PLXNA4: variants seen among roughly 807,000 people sequenced by gnomAD.
PLXNA4 encodes plexin-A4.
PLXNA4 carries 44 observed loss-of-function variants against 191.8 expected under a neutral mutation model. The observed-to-expected ratio is 0.23, with a 90% CI of 0.18 to 0.29. PLXNA4 has a LOEUF of 0.29. Ranked by LOEUF, PLXNA4 falls within the 10% of genes least tolerant of loss-of-function variation. PLXNA4 has a pLI of 1.00. For synonymous variants in PLXNA4, 1,082 were observed against 1,009.5 expected (o/e 1.07, Z -1.36); for missense variants, 1,800 against 2,488.8 (o/e 0.72, Z 5.89).
chr7:132,253,220 TTTTTC>T (rs1799314773), intron 4 of PLXNA4, among the ~76,000 whole-genome samples: 1 of 135,394 alleles, frequency 7.4e-6, no homozygotes, highest in Non-Finnish European at 1.6e-5. Context: ...ACAGCTTGAA[TTTTTC>T]TTTTTTCTTT....
At position 132,160,272 on chromosome 7, in the gene PLXNA4, G is replaced by A. The variant is rs557846273; in HGVS notation, c.4501-640C>T. 2.4e-3 allele frequency among the ~76,000 whole-genome samples: 360 copies of A among 152,296 alleles called. 2 individuals carry two copies. The highest frequency in any genetic ancestry group is 4.4e-3 in the Non-Finnish European group (300 of 68,020). ...AATAAAAAGATGCCCTTTAAAGATTGCAGGTTCAGGACACCTGAGATTCTT... is the reference window on the plus strand; with the variant it reads ...AATAAAAAGATGCCCTTTAAAGATTACAGGTTCAGGACACCTGAGATTCTT... On this transcript the variant is annotated intron_variant, in intron 24 of 31. Transcript: ENST00000321063.
chr7:132,334,340 C>T (rs1226208121), intron 3 of PLXNA4, among the ~76,000 whole-genome samples: 1 of 147,480 alleles, frequency 6.8e-6, no homozygotes, highest in Non-Finnish European at 1.5e-5. Context: ...TCACTGCAGC[C>T]TCAACCTCCC....
intron 5 of PLXNA4, among the ~76,000 whole-genome samples, chr7:132,232,922 G>A (rs1184807116): frequency 6.6e-6 from 1 of 152,200 alleles, no homozygotes; most frequent in Non-Finnish European, 1.5e-5. Flanking sequence ...CAAGCTTGGA[G>A]GGGCTGTTGC....
chr7:132,565,336 T>C (rs1486702068), intron 1 of PLXNA4, among the ~76,000 whole-genome samples: 1 of 152,172 alleles, frequency 6.6e-6, no homozygotes, highest in Admixed American at 6.5e-5. Context: ...CTGGCCAGTA[T>C]ATAATACCTC....
At chr7:132,273,342 GCACA>G (rs139465620) in intron 4 of PLXNA4, among the ~76,000 whole-genome samples, 2 of 143,082 alleles carry the variant, frequency 1.4e-5, no homozygotes, top group East Asian at 2.0e-4. Context: ...ACACACACAC[GCACA>G]CACACACACA....
At chr7:132,633,225 G>A (rs1380736048) in intron 2 of PLXNA4, among the ~76,000 whole-genome samples, 2 of 152,014 alleles carry the variant, frequency 1.3e-5, no homozygotes, top group Non-Finnish European at 2.9e-5. Flanking sequence ...TGAGACAGAG[G>A]AGGACAAACA....
At chr7:132,250,032 C>A (rs942561791) in intron 4 of PLXNA4, among the ~76,000 whole-genome samples, 6 of 152,168 alleles carry the variant, frequency 3.9e-5, no homozygotes, top group Non-Finnish European at 5.9e-5. Context: ...ATCTCAGGGA[C>A]AAGTGAGAAG....
At chr7:132,298,001 C>G in intron 4 of PLXNA4, 90 bp downstream of exon 4, 1 of 1,520,232 alleles carries the variant, frequency 6.6e-7, no homozygotes, top group South Asian at 1.1e-5. Context: ...CAAATCACCT[C>G]TCTGCAGCTG....
Position 132,203,439 on chromosome 7 carries a change from G to A in PLXNA4, c.2299-20C>T. 6.2e-7 allele frequency: 1 copy of A among 1,607,718 alleles called. No homozygotes were observed. The highest frequency in any genetic ancestry group is 8.5e-7 in the Non-Finnish European group (1 of 1,174,188). The stretch of plus-strand genomic sequence containing the variant: ...GGAATACTGCAGCCAGGTCGGGGAG[G>A]AGGAAAGAAGAAAGTGGGGTCACAG... On this transcript the variant is annotated intron_variant, in intron 10 of 31. Coordinates refer to ENST00000321063, the MANE Select transcript of PLXNA4 (RefSeq NM_020911.2).
chr7:132,489,283 CA>C lies in PLXNA4; in HGVS notation c.1371+8del. On this transcript the variant is annotated splice_region_variant and intron_variant, in intron 3 of 31. Coordinates refer to ENST00000321063, the MANE Select transcript of PLXNA4 (RefSeq NM_020911.2). Reference sequence around the variant, plus strand: ...CACAGTAACCAAAAGTACTGCACCTCATTCCTACCTTCTTCAGCTTGCCACT... The same window carrying C: ...CACAGTAACCAAAAGTACTGCACCTCTTCCTACCTTCTTCAGCTTGCCACT... The C allele has an allele frequency of 6.3e-7, 1 of 1,579,752 alleles. No homozygotes were observed. Among genetic ancestry groups the C allele is most frequent in the Non-Finnish European group, 8.7e-7 (1 of 1,151,772 alleles).
At chr7:132,269,353 AC>A (rs1309094805) in intron 4 of PLXNA4, among the ~76,000 whole-genome samples, 1 of 151,746 alleles carries the variant, frequency 6.6e-6, no homozygotes, top group Non-Finnish European at 1.5e-5. Flanking sequence ...GGTCCTATAG[AC>A]CCCCTGCCTC....
At chr7:132,476,777 A>G (rs1191394449) in intron 3 of PLXNA4, among the ~76,000 whole-genome samples, 2 of 152,236 alleles carry the variant, frequency 1.3e-5, no homozygotes, top group African/African-American at 4.8e-5. Flanking sequence ...TGCTTCCATA[A>G]ATTTGGGTAA....
At chr7:132,353,095 G>A (rs541911665) in intron 3 of PLXNA4, among the ~76,000 whole-genome samples, 7 of 152,134 alleles carry the variant, frequency 4.6e-5, no homozygotes, top group South Asian at 2.1e-4. Flanking sequence ...CAATTTCCAC[G>A]CTTGTTTTTA....
chr7:132,489,522 T>G, intron 2 of PLXNA4, 48 bp from the exon 3 acceptor site: 1 of 1,444,330 alleles, frequency 6.9e-7, no homozygotes, highest in Non-Finnish European at 9.4e-7. Context: ...TCAAGGAAAT[T>G]GGCAGAGATA....
intron 3 of PLXNA4, among the ~76,000 whole-genome samples, chr7:132,309,012 G>A (rs1341281323): frequency 6.6e-6 from 1 of 152,154 alleles, no homozygotes; most frequent in Non-Finnish European, 1.5e-5. Context: ...CCACAGCTTA[G>A]CTCTGGGCTG....
intron 24 of PLXNA4, among the ~76,000 whole-genome samples, chr7:132,161,269 C>T (rs929929271): frequency 1.3e-5 from 2 of 152,242 alleles, no homozygotes; most frequent in Admixed American, 6.5e-5. Context: ...TTTCTAATTG[C>T]CGCAGGAATT....
At chr7:132,276,220 G>A (rs1800272046) in intron 4 of PLXNA4, among the ~76,000 whole-genome samples, 1 of 152,134 alleles carries the variant, frequency 6.6e-6, no homozygotes, top group Admixed American at 6.5e-5. Flanking sequence ...TCTGTCAAAG[G>A]AATATGAGTG....
rs573570223 is a variant in PLXNA4 at position 132,241,119 on chromosome 7, G to A, written c.1551C>T (p.Gly517=). Residue 517 remains glycine (G), a synonymous_variant, in exon 5 of 32, where the codon GGC becomes GGT. Transcript: ENST00000321063. ...GGGGGTCGCCTGAGCCAAGGCACTC[G>A]CCGCAGCTCTGATACTGACCACAGG... ...VESCGQYQSC[G]ECLGSGDPHC... 23 of 1,613,302 alleles carry A rather than the reference G, an allele frequency of 1.4e-5. No individual in the cohort carries two copies. The Admixed American group carries it at 1.5e-4, about 11-fold the overall frequency.
At chr7:132,217,897 CTTT>C (rs138576612) in intron 9 of PLXNA4, among the ~76,000 whole-genome samples, 280 of 43,362 alleles carry the variant, frequency 6.5e-3, no homozygotes, top group African/African-American at 0.033. Flanking sequence ...GCTGGATTTG[CTTT>C]TTTTTTTTTT....
Sources: gnomAD v4.1 joint callset for allele counts (sites outside exome capture counted in the v4.1 genomes callset) on GRCh38, gnomAD v4.1.1 for gene constraint, MANE v1.5 for transcripts, NCBI Gene and HGNC (gene_info 2026-07-23, HGNC 2026-07-21) for gene names.